RFX8: variants seen among roughly 807,000 people sequenced by gnomAD.
The protein encoded by RFX8 is DNA-binding protein RFX8.
RFX8 carries 46 observed loss-of-function variants against 54.6 expected under a neutral mutation model. The observed-to-expected ratio is 0.84, with a 90% CI of 0.67 to 1.08. The LOEUF is 1.08. Ranked by LOEUF, RFX8 falls within the 50% of genes least tolerant of loss-of-function variation. RFX8 has a pLI of 0.00. For synonymous variants in RFX8, 192 were observed against 209.5 expected (o/e 0.92, Z 0.72); for missense variants, 536 against 562.3 (o/e 0.95, Z 0.47).
intron 2 of RFX8, 79 bp from the exon 3 acceptor site, chr2:101,422,551 C>T: frequency 3.7e-6 from 3 of 802,682 alleles, no homozygotes; most frequent in Middle Eastern, 2.6e-4. Flanking sequence ...TATGATCACA[C>T]TACTATAAGT....
At chr2:101,407,067 T>C (rs748426136) in intron 9 of RFX8, among the ~76,000 whole-genome samples, 1 of 152,226 alleles carries the variant, frequency 6.6e-6, no homozygotes, top group Non-Finnish European at 1.5e-5. Flanking sequence ...TTCAAATGCA[T>C]CTGTTGATAT....
At chr2:101,416,063 A>C (rs948680111) in intron 6 of RFX8, among the ~76,000 whole-genome samples, 1 of 152,204 alleles carries the variant, frequency 6.6e-6, no homozygotes, top group African/African-American at 2.4e-5. Flanking sequence ...ATGGGGCCAG[A>C]GGCCAAACTG....
chr2:101,426,285 G>C (rs1015875176), intron 2 of RFX8, among the ~76,000 whole-genome samples: 1 of 151,878 alleles, frequency 6.6e-6, no homozygotes, highest in African/African-American at 2.4e-5. Context: ...CGATTGCCTC[G>C]GGCCAGGAGT....
chr2:101,469,096 ATATATATATAAGTGTATATATATATAAG>A lies in RFX8; in HGVS notation c.-52-2224_-52-2197del, dbSNP rs1558896947. ...TATATATAAGTGTATATATATAAGTATATATATATAAGTGTATATATATATAAGTATATATATATAAGTATATATATAT... is the reference window on the plus strand; with the variant it reads ...TATATATAAGTGTATATATATAAGTATATATATATATAAGTATATATATAT... On this transcript the variant is annotated intron_variant, in intron 1 of 11. Transcript: ENST00000428343. Among the ~76,000 whole-genome samples the A allele has an allele frequency of 3.4e-3, 389 of 113,472 alleles. 9 individuals carry two copies. The highest frequency in any genetic ancestry group is 4.4e-3 in the African/African-American group (108 of 24,362). 74.4% of individuals were successfully genotyped at this position (113,472 alleles called of 152,430 possible).
chr2:101,450,304 T>C (rs1688606317), intron 2 of RFX8, among the ~76,000 whole-genome samples: 1 of 152,176 alleles, frequency 6.6e-6, no homozygotes, highest in Non-Finnish European at 1.5e-5. Context: ...CACTGCAGCC[T>C]GGACCTTGTC....
chr2:101,429,482 A>G (rs1419589319), intron 2 of RFX8, among the ~76,000 whole-genome samples: 1 of 152,202 alleles, frequency 6.6e-6, no homozygotes, highest in East Asian at 1.9e-4. Flanking sequence ...TCTTGGATTC[A>G]TATAAGATAA....
At position 101,397,731 on chromosome 2, in the gene RFX8, G is replaced by C; in HGVS notation, c.1246-7C>G. The C allele has an allele frequency of 1.3e-6, 2 of 1,543,312 alleles. No individual in the cohort carries two copies. Among genetic ancestry groups the C allele is most frequent in the Non-Finnish European group, 1.7e-6 (2 of 1,144,214 alleles). On this transcript the variant is annotated splice_region_variant and splice_polypyrimidine_tract_variant and intron_variant, in intron 11 of 11. Coordinates refer to ENST00000428343, the MANE Select transcript of RFX8 (RefSeq NM_001145664.2). ...CCAACAGCACCTGGATGAGCTGCAA[G>C]AGGGAAATGTTTTAAGGGAAAAGAT...
Position 101,422,520 on chromosome 2 carries a change from T to G in RFX8, c.73-48A>C, listed in dbSNP as rs770380152. The G allele has an allele frequency of 2.7e-6, 3 of 1,130,286 alleles. 1 individual carries two copies. In the South Asian group the frequency reaches 4.0e-5, roughly 15 times the overall value. 70.0% of individuals were successfully genotyped at this position (1,130,286 alleles called of 1,614,324 possible). On this transcript the variant is annotated intron_variant, in intron 2 of 11. Transcript: ENST00000428343. ...ATTATGTCTTTAAAATACAATACTT[T>G]TTTTGGCATATAAATCTTCTTATGA...
At chr2:101,401,178 G>T (rs1002519349) in intron 11 of RFX8, among the ~76,000 whole-genome samples, 2 of 152,186 alleles carry the variant, frequency 1.3e-5, no homozygotes, top group Non-Finnish European at 2.9e-5. Context: ...CTGGATACGT[G>T]ACTTACTATC....
intron 2 of RFX8, among the ~76,000 whole-genome samples, chr2:101,429,449 T>C (rs1240711738): frequency 6.6e-6 from 1 of 152,202 alleles, no homozygotes; most frequent in Non-Finnish European, 1.5e-5. Flanking sequence ...ATAATAGAGA[T>C]GTAAATTTCA....
rs968728402 is a variant in RFX8 at position 101,474,088 on chromosome 2, C to G, written c.-53+548G>C. ...TCAGAAAGCGCTGGGCCTGGGGCCGCTCCTCACACCCGGCTTTGACCCGGC... is the reference window on the plus strand; with the variant it reads ...TCAGAAAGCGCTGGGCCTGGGGCCGGTCCTCACACCCGGCTTTGACCCGGC... On this transcript the variant is annotated intron_variant, in intron 1 of 11. Transcript: ENST00000428343. 2.0e-5 allele frequency: 10 copies of G among 506,128 alleles called. No individual in the cohort carries two copies. The South Asian group carries it at 2.1e-4, about 11-fold the overall frequency. 31.4% of individuals were successfully genotyped at this position (506,128 alleles called of 1,614,324 possible).
At chr2:101,407,418 A>G (rs12997785) in intron 9 of RFX8, among the ~76,000 whole-genome samples, 148,500 of 152,312 alleles carry the variant, frequency 0.97, 72,545 homozygotes, top group Middle Eastern at 1. Flanking sequence ...CCTGCTGGGC[A>G]CGGTGGCTCA....
chr2:101,423,182 C>T (rs572427332), intron 2 of RFX8, among the ~76,000 whole-genome samples: 131 of 148,242 alleles, frequency 8.8e-4, no homozygotes, highest in African/African-American at 2.9e-3. Flanking sequence ...TGCTTGAGCC[C>T]GGGAAATGGA....
intron 2 of RFX8, among the ~76,000 whole-genome samples, chr2:101,437,091 A>G (rs1208776540): frequency 1.3e-5 from 2 of 152,172 alleles, no homozygotes; most frequent in Admixed American, 6.5e-5. Flanking sequence ...TCCTTGATTT[A>G]TTATTTTTAA....
chr2:101,402,562 G>A lies in RFX8; in HGVS notation c.1119C>T (p.Ala373=). ...SLNSSLSQAC[A]SPSMEPLGVM... ...CCCCCAGTGGCTCCATGCTGGGGCT[G>A]GCACACGCCTGCGACAGTGAGGAAT... Residue 373 remains alanine, a synonymous_variant, in exon 11 of 12, where the codon GCC becomes GCT. Transcript: ENST00000428343. 6.4e-7 allele frequency: 1 copy of A among 1,551,882 alleles called. No individual in the cohort carries two copies. The highest frequency in any genetic ancestry group is 8.7e-7 in the Non-Finnish European group (1 of 1,147,050).
Position 101,410,610 on chromosome 2 carries a change from G to C in RFX8, c.813+9C>G. 7.0e-7 allele frequency: 1 copy of C among 1,436,184 alleles called. No homozygotes were observed. Among genetic ancestry groups the C allele is most frequent in the African/African-American group, 1.4e-5 (1 of 69,142 alleles). The allele number at this position is 1,436,184 out of a possible 1,614,324, so 89.0% of individuals were successfully genotyped here. ...ACACTTTTTTTTTTTTTAAGTCACA[G>C]CTTCCTACCTGGAACACAAATGCTT... On this transcript the variant is annotated intron_variant, in intron 9 of 11. Coordinates refer to ENST00000428343, the MANE Select transcript of RFX8 (RefSeq NM_001145664.2).
At chr2:101,458,850 A>G (rs569066406) in intron 2 of RFX8, among the ~76,000 whole-genome samples, 3 of 152,300 alleles carry the variant, frequency 2.0e-5, no homozygotes, top group East Asian at 3.9e-4. Context: ...AGGTACATCA[A>G]TCAACACAGA....
intron 2 of RFX8, among the ~76,000 whole-genome samples, chr2:101,457,004 T>C (rs1279164487): frequency 1.3e-5 from 2 of 152,242 alleles, no homozygotes; most frequent in Non-Finnish European, 2.9e-5. Flanking sequence ...GAGGTGTTTA[T>C]ACTATTCTCT....
intron 2 of RFX8, among the ~76,000 whole-genome samples, chr2:101,434,435 A>G (rs932772140): frequency 2.6e-5 from 4 of 152,132 alleles, no homozygotes; most frequent in Admixed American, 6.5e-5. Flanking sequence ...ATGATGACCG[A>G]GGGGGAGACC....
Sources: gnomAD v4.1 joint callset for allele counts (sites outside exome capture counted in the v4.1 genomes callset) on GRCh38, gnomAD v4.1.1 for gene constraint, MANE v1.5 for transcripts, NCBI Gene and HGNC (gene_info 2026-07-23, HGNC 2026-07-21) for gene names.